TENM3: variants seen among roughly 807,000 people sequenced by gnomAD.
TENM3 encodes the protein teneurin transmembrane protein 3.
Under a neutral mutation model 255.1 loss-of-function variants are expected in TENM3, and 63 were observed. That is an observed-to-expected ratio of 0.25 (90% CI 0.20 to 0.30). TENM3 has a LOEUF of 0.30. TENM3 is among the 10% of genes least tolerant of loss of function. TENM3 has a pLI of 1.00. For missense variants in TENM3, 2,929 were observed against 3,461.1 expected, an observed-to-expected ratio of 0.85 and a Z score of 3.86; for synonymous variants, 1,306 against 1,322.3, an observed-to-expected ratio of 0.99 and a Z score of 0.27.
At chr4:182,143,891 G>A (rs995048926), upstream of TENM3, 1 of 152,630 alleles carries the variant, frequency 6.6e-6, no homozygotes, top group Admixed American at 6.5e-5. The surrounding 1 kb of genome is among the most constrained non-coding windows in gnomAD (Gnocchi z 4.3). Flanking sequence ...TCACAGCATG[G>A]GAGCCTCGGT....
chr4:181,706,511 A>G, the TENM3 span, among the ~76,000 whole-genome samples: 1 of 152,324 alleles, frequency 6.6e-6, no homozygotes, highest in East Asian at 1.9e-4. Context: ...AGCCTACAGA[A>G]ATATGCAATC....
Position 182,683,481 on chromosome 4 carries a change from A to G in TENM3, c.2035+1467A>G, listed in dbSNP as rs140307032. Reference sequence around the variant, plus strand: ...CAGGGGTATTTATTCTGCAAATATTATAACATCTGAAAAAGTTTAAAATCC... The same window carrying G: ...CAGGGGTATTTATTCTGCAAATATTGTAACATCTGAAAAAGTTTAAAATCC... On this transcript the variant is annotated intron_variant, in intron 11 of 27. Transcript: ENST00000511685. Among the ~76,000 whole-genome samples the G allele has an allele frequency of 6.5e-3, 994 of 152,316 alleles. 14 individuals are homozygous for G. Among genetic ancestry groups the G allele is most frequent in the African/African-American group, 0.023 (948 of 41,574 alleles).
chr4:182,197,034 G>C (rs113581345), intron 1 of TENM3, among the ~76,000 whole-genome samples: 15 of 152,218 alleles, frequency 9.9e-5, no homozygotes, highest in African/African-American at 3.6e-4. Context: ...CGGAGTTGCT[G>C]TTGCATTTCA....
At chr4:182,506,884 A>G (rs987832589) in intron 3 of TENM3, among the ~76,000 whole-genome samples, 4 of 152,168 alleles carry the variant, frequency 2.6e-5, no homozygotes, top group Non-Finnish European at 2.9e-5. Context: ...TACCTTAAAG[A>G]TCACTGGCCT....
chr4:182,565,998 G>A, intron 3 of TENM3, among the ~76,000 whole-genome samples: 1 of 152,166 alleles, frequency 6.6e-6, no homozygotes, highest in Non-Finnish European at 1.5e-5. Context: ...CATTGTTATT[G>A]AAAGCATTCC....
the TENM3 span, among the ~76,000 whole-genome samples, chr4:181,467,817 A>ATT: frequency 2.0e-5 from 3 of 152,182 alleles, no homozygotes; most frequent in African/African-American, 7.2e-5. Context: ...GTCTTAAGTT[A>ATT]GTGATTTTTA....
At chr4:182,651,047 A>T (rs980220240) in intron 5 of TENM3, among the ~76,000 whole-genome samples, 1 of 152,064 alleles carries the variant, frequency 6.6e-6, no homozygotes, top group African/African-American at 2.4e-5. Flanking sequence ...TTCAAAATCC[A>T]TTAAAACCGA....
chr4:182,800,719 C>A lies in TENM3; in HGVS notation c.*368C>A, dbSNP rs4861520. 0.078 allele frequency: 13,042 copies of A among 166,672 alleles called. 708 individuals carry two copies. The highest frequency in any genetic ancestry group is 0.12 in the Non-Finnish European group (8,940 of 76,866). The allele number at this position is 166,672 out of a possible 1,614,324, so 10.3% of individuals were successfully genotyped here. On this transcript the variant is annotated 3_prime_UTR_variant, in exon 28 of 28. Coordinates refer to ENST00000511685, the MANE Select transcript of TENM3 (RefSeq NM_001080477.4). ...AATGTGTACAGTGTTTCCAAATAGTCCCGAATTGTCGACCTTTGCTTACAA... is the reference window on the plus strand; with the variant it reads ...AATGTGTACAGTGTTTCCAAATAGTACCGAATTGTCGACCTTTGCTTACAA...
chr4:181,639,890 C>G, the TENM3 span, among the ~76,000 whole-genome samples: 1 of 152,228 alleles, frequency 6.6e-6, no homozygotes, highest in African/African-American at 2.4e-5. Context: ...GAGGGCTGCA[C>G]AGCCCCTGCG....
intron 6 of TENM3, among the ~76,000 whole-genome samples, chr4:182,657,567 A>AT (rs1214483285): frequency 6.6e-6 from 1 of 152,146 alleles, no homozygotes; most frequent in East Asian, 1.9e-4. Flanking sequence ...AGTCTCTCAC[A>AT]TCTTGGAAAA....
At chr4:182,713,956 T>C in intron 12 of TENM3, 131 bp from the exon 13 acceptor site, 1 of 692,328 alleles carries the variant, frequency 1.4e-6, no homozygotes, top group South Asian at 1.9e-5. Context: ...TTGCTGTTTC[T>C]ATCCATGTGC....
the TENM3 span, among the ~76,000 whole-genome samples, chr4:181,655,876 A>G: frequency 6.6e-6 from 1 of 152,238 alleles, no homozygotes; most frequent in Non-Finnish European, 1.5e-5. Context: ...CAGATTAGTC[A>G]GAGGAGTGTC....
At chr4:181,710,510 G>A in the TENM3 span, among the ~76,000 whole-genome samples, 1 of 152,044 alleles carries the variant, frequency 6.6e-6, no homozygotes, top group Non-Finnish European at 1.5e-5. Flanking sequence ...AAGGTCAAGA[G>A]ATCAAGACCA....
chr4:181,939,035 A>G, the TENM3 span, among the ~76,000 whole-genome samples: 2 of 152,046 alleles, frequency 1.3e-5, no homozygotes, highest in Non-Finnish European at 2.9e-5. Flanking sequence ...AGACAACTCT[A>G]TTTTCTAGGG....
chr4:182,277,220 A>C (rs1379755103), intron 1 of TENM3, among the ~76,000 whole-genome samples: 1 of 152,216 alleles, frequency 6.6e-6, no homozygotes, highest in African/African-American at 2.4e-5. Context: ...GAATTAGTTT[A>C]TGTTGAGTAT....
the TENM3 span, among the ~76,000 whole-genome samples, chr4:182,128,337 T>A: frequency 1.3e-5 from 2 of 152,038 alleles, no homozygotes; most frequent in African/African-American, 4.8e-5. Context: ...TTTCTTTCTT[T>A]CTTTTCTTAT....
chr4:182,442,269 A>G (rs1391256095), intron 3 of TENM3, among the ~76,000 whole-genome samples: 2 of 152,252 alleles, frequency 1.3e-5, no homozygotes. Context: ...ATTATTATCT[A>G]AATTTATTTG....
intron 3 of TENM3, 64 bp downstream of exon 3, chr4:182,346,993 C>CGG (rs1764864714): frequency 1.5e-5 from 16 of 1,045,550 alleles, no homozygotes; most frequent in East Asian, 6.3e-5. Flanking sequence ...TGGTTGACTC[C>CGG]GCGGGGGGGG....
At chr4:181,996,961 T>G in the TENM3 span, among the ~76,000 whole-genome samples, 1 of 152,192 alleles carries the variant, frequency 6.6e-6, no homozygotes, top group African/African-American at 2.4e-5. Flanking sequence ...ATGGTCTTCC[T>G]AAGCCTCCTG....
Sources: gnomAD v4.1 joint callset for allele counts (sites outside exome capture counted in the v4.1 genomes callset) on GRCh38, gnomAD v4.1.1 for gene constraint, Gnocchi (gnomAD v3.1) non-coding constraint, MANE v1.5 for transcripts, NCBI Gene and HGNC (gene_info 2026-07-23, HGNC 2026-07-21) for gene names.